RIMS1: variants seen among roughly 807,000 people sequenced by gnomAD.
The protein encoded by RIMS1 is regulating synaptic membrane exocytosis protein 1.
In RIMS1, 83 loss-of-function variants were observed where a neutral mutation model predicts 214.1. The ratio of observed to expected loss-of-function variants is 0.39; its 90% confidence interval spans 0.32 to 0.47. The LOEUF is 0.47. Among genes scored for constraint, RIMS1 ranks in the 20% least tolerant of loss-of-function variants. RIMS1 has a pLI of 0.99. For synonymous variants in RIMS1, 793 were observed against 786.8 expected (o/e 1.01, Z -0.13); for missense variants, 2,050 against 2,161.8 (o/e 0.95, Z 1.03).
intron 1 of RIMS1, among the ~76,000 whole-genome samples, chr6:71,960,873 C>G (rs1792742916): frequency 6.6e-6 from 1 of 151,988 alleles, no homozygotes; most frequent in African/African-American, 2.4e-5. Context: ...TGTAGAGAAG[C>G]TGGGTACTCA....
intron 2 of RIMS1, among the ~76,000 whole-genome samples, chr6:71,993,903 A>G (rs1377079388): frequency 1.3e-4 from 20 of 152,304 alleles, no homozygotes; most frequent in Non-Finnish European, 2.4e-4. Context: ...AATGGTCACA[A>G]ATTGAAGATT....
intron 16 of RIMS1, among the ~76,000 whole-genome samples, chr6:72,254,713 G>A (rs1173542609): frequency 6.6e-6 from 1 of 152,120 alleles, no homozygotes; most frequent in Non-Finnish European, 1.5e-5. Context: ...CTTTCTCTGA[G>A]AGAGCAACAT....
chr6:72,243,076 C>T (rs2067680275), intron 10 of RIMS1, among the ~76,000 whole-genome samples: 1 of 151,658 alleles, frequency 6.6e-6, no homozygotes, highest in Non-Finnish European at 1.5e-5. Flanking sequence ...GGCAAACCCA[C>T]ATGGTCCAAA....
intron 29 of RIMS1, among the ~76,000 whole-genome samples, chr6:72,336,964 T>C (rs963383863): frequency 6.6e-6 from 1 of 151,814 alleles, no homozygotes; most frequent in African/African-American, 2.4e-5. Flanking sequence ...TCTGTATTTC[T>C]GGATTCCTCT....
At chr6:71,925,536 G>A (rs1781326736) in intron 1 of RIMS1, among the ~76,000 whole-genome samples, 1 of 152,174 alleles carries the variant, frequency 6.6e-6, no homozygotes, top group Non-Finnish European at 1.5e-5. Flanking sequence ...TGATTTAATA[G>A]ACAATTGGTG....
intron 29 of RIMS1, among the ~76,000 whole-genome samples, chr6:72,352,824 G>C (rs2097503413): frequency 6.6e-6 from 1 of 151,944 alleles, no homozygotes; most frequent in Non-Finnish European, 1.5e-5. Flanking sequence ...CTAGATGCTG[G>C]GGATGGGACC....
chr6:72,131,709 G>T (rs1221784346), intron 4 of RIMS1, among the ~76,000 whole-genome samples: 1 of 152,116 alleles, frequency 6.6e-6, no homozygotes, highest in Non-Finnish European at 1.5e-5. Context: ...CAGGAGACAG[G>T]GCTTTGAGAG....
chr6:72,135,250 A>G (rs1403272275), intron 4 of RIMS1, among the ~76,000 whole-genome samples: 1 of 152,168 alleles, frequency 6.6e-6, no homozygotes, highest in East Asian at 1.9e-4. Context: ...CACAAGCAAT[A>G]GAAAATTATT....
At chr6:72,111,420 G>T (rs1205949791) in intron 4 of RIMS1, among the ~76,000 whole-genome samples, 1 of 152,120 alleles carries the variant, frequency 6.6e-6, no homozygotes, top group African/African-American at 2.4e-5. Flanking sequence ...AGGTTGTCCT[G>T]TTTTCATGGA....
chr6:72,262,281 T>G (rs2078389377), intron 19 of RIMS1: 1 of 861,762 alleles, frequency 1.2e-6, no homozygotes, highest in African/African-American at 1.8e-5. Context: ...AGATTGGTGC[T>G]TTGCTAATAA....
At chr6:72,373,496 C>T (rs1017771933) in intron 29 of RIMS1, among the ~76,000 whole-genome samples, 2 of 152,154 alleles carry the variant, frequency 1.3e-5, no homozygotes, top group Admixed American at 1.3e-4. Context: ...CTCAAATTAT[C>T]AGGATTGTCA....
chr6:72,138,862 A>G (rs1381064527), intron 4 of RIMS1, among the ~76,000 whole-genome samples: 1 of 152,184 alleles, frequency 6.6e-6, no homozygotes, highest in Non-Finnish European at 1.5e-5. Flanking sequence ...GTGGAAGTGT[A>G]GGTTACTACT....
chr6:72,202,165 G>C (rs2052106144), intron 6 of RIMS1, among the ~76,000 whole-genome samples: 1 of 152,154 alleles, frequency 6.6e-6, no homozygotes, highest in Non-Finnish European at 1.5e-5. Flanking sequence ...AAACCCTTCT[G>C]AGGCTGCTGT....
intron 23 of RIMS1, among the ~76,000 whole-genome samples, chr6:72,275,545 A>G (rs934447454): frequency 5.3e-5 from 8 of 152,158 alleles, no homozygotes; most frequent in African/African-American, 1.9e-4. Context: ...CTGATATTTT[A>G]TGAAGGTTTC....
At chr6:72,359,939 CTT>C (rs1312496251) in intron 29 of RIMS1, among the ~76,000 whole-genome samples, 1 of 152,190 alleles carries the variant, frequency 6.6e-6, no homozygotes, top group African/African-American at 2.4e-5. Context: ...ATCGTGTACT[CTT>C]TTAACTACAG....
chr6:72,309,849 C>T (rs2095422887), intron 27 of RIMS1, among the ~76,000 whole-genome samples: 1 of 151,882 alleles, frequency 6.6e-6, no homozygotes, highest in Non-Finnish European at 1.5e-5. Flanking sequence ...ATAAAATACT[C>T]TCCACATCTC....
In RIMS1 at chr6:72,366,664, A is replaced by G. The variant is rs1030252085; in HGVS notation, c.4367-23934A>G. On this transcript the variant is annotated intron_variant, in intron 29 of 33. Coordinates refer to ENST00000521978, the MANE Select transcript of RIMS1 (RefSeq NM_014989.7). Reference sequence around the variant, plus strand: ...CAATTTAATTATATTCTGTATATGCATGAGAAGGAGAGAGTGTCGGAGGGT... The same window carrying G: ...CAATTTAATTATATTCTGTATATGCGTGAGAAGGAGAGAGTGTCGGAGGGT... 34 of 974,142 alleles carry G rather than the reference A, an allele frequency of 3.5e-5. No individual in the cohort carries two copies. In the Admixed American group the frequency reaches 6.2e-4, roughly 18 times the overall value. 60.3% of individuals were successfully genotyped at this position (974,142 alleles called of 1,614,324 possible).
At chr6:72,278,930 A>T (rs1268498195) in intron 23 of RIMS1, among the ~76,000 whole-genome samples, 5 of 152,050 alleles carry the variant, frequency 3.3e-5, no homozygotes, top group African/African-American at 1.2e-4. Flanking sequence ...GTAAGCCAAA[A>T]TATAGACATA....
intron 6 of RIMS1, among the ~76,000 whole-genome samples, chr6:72,213,452 G>T (rs1459232300): frequency 1.3e-5 from 2 of 152,024 alleles, no homozygotes; most frequent in African/African-American, 4.8e-5. Flanking sequence ...ATTTTAAGAT[G>T]ATTAATTATG....
Sources: gnomAD v4.1 joint callset for allele counts (sites outside exome capture counted in the v4.1 genomes callset) on GRCh38, gnomAD v4.1.1 for gene constraint, MANE v1.5 for transcripts, NCBI Gene and HGNC (gene_info 2026-07-23, HGNC 2026-07-21) for gene names.